PTPRD: variants seen among roughly 807,000 people sequenced by gnomAD.
PTPRD encodes receptor-type tyrosine-protein phosphatase delta.
Under a neutral mutation model 214.5 loss-of-function variants are expected in PTPRD, and 34 were observed. The observed-to-expected ratio is 0.16, with a 90% CI of 0.12 to 0.21. The LOEUF (loss-of-function observed/expected upper bound fraction) is 0.21. PTPRD is among the 10% of genes least tolerant of loss of function. The pLI is 1.00. For synonymous variants in PTPRD, 1,128 were observed against 845.7 expected, an observed-to-expected ratio of 1.33 and a Z score of -5.79; for missense variants, 2,545 against 2,398.7, an observed-to-expected ratio of 1.06 and a Z score of -1.27.
chr9:8,486,396 C>A, intron 27 of PTPRD, 47 bp from the exon 28 acceptor site: 2 of 1,496,778 alleles, frequency 1.3e-6, no homozygotes, highest in Non-Finnish European at 1.9e-6. Flanking sequence ...TCTGAACGTT[C>A]ACATTTCAGT....
chr9:8,670,400 G>A (rs993770006), intron 12 of PTPRD, among the ~76,000 whole-genome samples: 108 of 152,100 alleles, frequency 7.1e-4, no homozygotes, highest in African/African-American at 2.5e-3. Flanking sequence ...GGTTACTATA[G>A]CTATATCAGC....
chr9:10,230,279 G>A (rs1279330635), intron 3 of PTPRD, among the ~76,000 whole-genome samples: 4 of 151,954 alleles, frequency 2.6e-5, no homozygotes, highest in South Asian at 2.1e-4. Flanking sequence ...AATACATTGC[G>A]TTGTGTTAAG....
intron 14 of PTPRD, among the ~76,000 whole-genome samples, chr9:8,593,511 C>G (rs1170588702): frequency 6.6e-6 from 1 of 152,192 alleles, no homozygotes; most frequent in Non-Finnish European, 1.5e-5. Context: ...ACTAGTAGAT[C>G]TTCTCAAAAT....
intron 11 of PTPRD, among the ~76,000 whole-genome samples, chr9:8,768,476 C>G (rs903270463): frequency 6.6e-6 from 1 of 152,134 alleles, no homozygotes; most frequent in Non-Finnish European, 1.5e-5. Flanking sequence ...ATCTCTTGAG[C>G]CCAGAGGAGG....
chr9:9,334,188 C>A (rs1179321329), intron 9 of PTPRD, among the ~76,000 whole-genome samples: 1 of 151,900 alleles, frequency 6.6e-6, no homozygotes, highest in Non-Finnish European at 1.5e-5. Flanking sequence ...AATGATAATT[C>A]TATCATAGTT....
intron 3 of PTPRD, among the ~76,000 whole-genome samples, chr9:10,272,417 A>T (rs1207217250): frequency 6.6e-6 from 1 of 152,200 alleles, no homozygotes; most frequent in African/African-American, 2.4e-5. Flanking sequence ...ACATTTACGT[A>T]CAAATTTTGG....
chr9:10,397,325 G>C (rs2098190159), intron 2 of PTPRD, among the ~76,000 whole-genome samples: 2 of 151,972 alleles, frequency 1.3e-5, no homozygotes, highest in African/African-American at 4.8e-5. Flanking sequence ...TGTTGTGTCA[G>C]TTAAACAACA....
At chr9:8,559,376 C>T (rs2085261927) in intron 14 of PTPRD, among the ~76,000 whole-genome samples, 2 of 152,114 alleles carry the variant, frequency 1.3e-5, no homozygotes, top group Non-Finnish European at 2.9e-5. Flanking sequence ...CAAATATGAA[C>T]TATATCAATT....
At chr9:9,592,145 TG>T (rs1166134534) in intron 7 of PTPRD, among the ~76,000 whole-genome samples, 7 of 152,122 alleles carry the variant, frequency 4.6e-5, no homozygotes, top group Non-Finnish European at 1.0e-4. Context: ...ACACTTGCTA[TG>T]AAATAACTGG....
At position 10,320,388 on chromosome 9, in the gene PTPRD, T is replaced by A. The variant is rs560578517; in HGVS notation, c.-545+20575A>T. 9.9e-5 allele frequency among the ~76,000 whole-genome samples: 15 copies of A among 152,192 alleles called. No individual in the cohort carries two copies. In the South Asian group the frequency reaches 2.9e-3, roughly 29 times the overall value. ...TAACCTTTATTAATATATGGATTGA[T>A]AATTTAGCAAATCTTGGCCAGGTTT... On this transcript the variant is annotated intron_variant, in intron 3 of 45. Coordinates refer to ENST00000381196, the MANE Select transcript of PTPRD (RefSeq NM_002839.4).
chr9:10,182,275 A>AG (rs922884349), intron 3 of PTPRD, among the ~76,000 whole-genome samples: 10 of 150,490 alleles, frequency 6.6e-5, no homozygotes, highest in Admixed American at 2.6e-4. Flanking sequence ...AAAAAAAAAA[A>AG]AAAAGAAAAG....
chr9:8,884,723 G>C (rs769655686), intron 11 of PTPRD, among the ~76,000 whole-genome samples: 2 of 152,252 alleles, frequency 1.3e-5, no homozygotes, highest in Admixed American at 6.5e-5. Flanking sequence ...TTGTAGCAAA[G>C]AGAAGGGCTA....
intron 11 of PTPRD, among the ~76,000 whole-genome samples, chr9:8,768,493 C>T (rs2094938188): frequency 6.6e-6 from 1 of 152,080 alleles, no homozygotes; most frequent in South Asian, 2.1e-4. Context: ...GAGGAGGCTG[C>T]AGTGAGCACA....
chr9:8,533,432 A>T (rs2076197998), intron 14 of PTPRD, among the ~76,000 whole-genome samples: 1 of 152,076 alleles, frequency 6.6e-6, no homozygotes, highest in African/African-American at 2.4e-5. Flanking sequence ...CGTGTCAATT[A>T]CATCAATTAC....
At chr9:9,394,407 G>T (rs1023478575) in intron 9 of PTPRD, among the ~76,000 whole-genome samples, 19 of 152,166 alleles carry the variant, frequency 1.2e-4, no homozygotes, top group Non-Finnish European at 2.6e-4. Flanking sequence ...AGAAGTGTTT[G>T]TTGAATACAT....
intron 8 of PTPRD, chr9:9,441,943 A>G (rs1296510116): frequency 6.6e-6 from 1 of 152,208 alleles, no homozygotes; most frequent in Non-Finnish European, 1.5e-5. Flanking sequence ...TCTCCTTACT[A>G]TTCCCAAAAT....
intron 11 of PTPRD, among the ~76,000 whole-genome samples, chr9:8,775,590 C>G (rs945914678): frequency 2.0e-5 from 3 of 152,018 alleles, no homozygotes; most frequent in Non-Finnish European, 4.4e-5. Flanking sequence ...TTTATAATTT[C>G]AACTTTTATT....
At chr9:9,470,036 G>T (rs2094483419) in intron 8 of PTPRD, among the ~76,000 whole-genome samples, 1 of 152,098 alleles carries the variant, frequency 6.6e-6, no homozygotes, top group Non-Finnish European at 1.5e-5. Flanking sequence ...GACAGAAATG[G>T]TAGAGAATAA....
intron 9 of PTPRD, among the ~76,000 whole-genome samples, chr9:9,257,624 T>G (rs1315981005): frequency 6.6e-6 from 1 of 151,856 alleles, no homozygotes; most frequent in Non-Finnish European, 1.5e-5. Context: ...AGACCCTGTC[T>G]CTACCAAAAA....
Sources: allele counts gnomAD v4.1 joint callset (sites outside exome capture counted in the v4.1 genomes callset), GRCh38; gene constraint gnomAD v4.1.1; transcripts MANE v1.5; gene names NCBI Gene and HGNC (gene_info 2026-07-23, HGNC 2026-07-21).